The following TRNAU1AP variants were observed in gnomAD, a reference collection of about 807,000 sequenced individuals.
TRNAU1AP encodes the protein tRNA selenocysteine 1 associated protein 1, also known as tRNA selenocysteine 1-associated protein 1.
TRNAU1AP carries 33 observed loss-of-function variants against 43.3 expected under a neutral mutation model. The ratio of observed to expected loss-of-function variants is 0.76; its 90% CI spans 0.58 to 1.02. TRNAU1AP has a LOEUF of 1.02. TRNAU1AP is among the 50% of genes least tolerant of loss of function. The probability of loss-of-function intolerance (pLI) is 0.00; values close to 1 mark genes in which losing one functional copy is unlikely to be tolerated. For missense variants in TRNAU1AP, 290 were observed against 362.7 expected, an observed-to-expected ratio of 0.80 and a Z score of 1.63; for synonymous variants, 143 against 129.1, an observed-to-expected ratio of 1.11 and a Z score of -0.73.
chr1:28,561,334 T>C lies in TRNAU1AP; in HGVS notation c.226-12T>C. On this transcript the variant is annotated splice_polypyrimidine_tract_variant and intron_variant, in intron 3 of 8. Transcript: ENST00000373830. ...TTTCTCTGTTTTAGTTTGTTTGTTT[T>C]TCAACTTCCAGGCGAAACGTTTTAA... 1 of 1,614,152 alleles carries C rather than the reference T, an allele frequency of 6.2e-7. No homozygotes were observed. The highest frequency in any genetic ancestry group is 2.2e-5 in the East Asian group (1 of 44,886).
intron 6 of TRNAU1AP, among the ~76,000 whole-genome samples, 153 bp downstream of exon 6, chr1:28,567,566 T>A (rs566808021): frequency 1.3e-5 from 2 of 152,260 alleles, no homozygotes; most frequent in Admixed American, 1.3e-4. Context: ...TTTGCCAGGC[T>A]GTGGGTGCTG....
intron 2 of TRNAU1AP, among the ~76,000 whole-genome samples, chr1:28,555,811 G>GC (rs777387449): frequency 4.6e-5 from 7 of 150,862 alleles, no homozygotes; most frequent in Admixed American, 6.6e-5. Context: ...CAGATAATCA[G>GC]CTACTGGTAT....
intron 6 of TRNAU1AP, 46 bp downstream of exon 6, chr1:28,567,459 A>T (rs759437430): frequency 6.5e-7 from 1 of 1,548,816 alleles, no homozygotes; most frequent in Non-Finnish European, 8.7e-7. Context: ...TCCCCTCCAG[A>T]CACTCCTCTT....
At position 28,570,474 on chromosome 1, in the gene TRNAU1AP, C is replaced by T. The variant is rs573960451; in HGVS notation, c.531-702C>T. On this transcript the variant is annotated intron_variant, in intron 6 of 8. Transcript: ENST00000373830. ...GTTGTCCAGGCTAGTCTTGGAACTC[C>T]TGACCTCAGGTGACCCACCTGCCTT... is the stretch of plus-strand genomic sequence containing the variant. 1.5e-4 allele frequency among the ~76,000 whole-genome samples: 23 copies of T among 151,976 alleles called. No individual in the cohort carries two copies. In the East Asian group the frequency reaches 4.5e-3, roughly 30 times the overall value.
At chr1:28,569,414 G>A (rs2124208964) in intron 6 of TRNAU1AP, among the ~76,000 whole-genome samples, 1 of 152,108 alleles carries the variant, frequency 6.6e-6, no homozygotes, top group East Asian at 1.9e-4. Flanking sequence ...AAAATAGGCT[G>A]GGCGTGGTGG....
intron 2 of TRNAU1AP, 48 bp downstream of exon 2, chr1:28,553,785 A>G (rs1356251481): frequency 4.0e-6 from 6 of 1,490,470 alleles, no homozygotes; most frequent in South Asian, 2.3e-5. Context: ...TGCAGCTGTC[A>G]TGTACGAGAA....
chr1:28,569,813 C>T (rs9701859), intron 6 of TRNAU1AP, among the ~76,000 whole-genome samples: 8,516 of 144,390 alleles, frequency 0.059, 361 homozygotes, highest in Middle Eastern at 0.12. Flanking sequence ...GGTGAAACCC[C>T]GTCTCTACTA....
intron 4 of TRNAU1AP, among the ~76,000 whole-genome samples, chr1:28,563,393 C>T (rs532977684): frequency 6.6e-6 from 1 of 151,814 alleles, no homozygotes. Flanking sequence ...ACTAAAAATA[C>T]AAAAATTGGC....
intron 2 of TRNAU1AP, among the ~76,000 whole-genome samples, chr1:28,558,823 C>T (rs567987926): frequency 7.0e-4 from 106 of 152,208 alleles, no homozygotes; most frequent in African/African-American, 2.4e-3. Flanking sequence ...CCTCGGCCTC[C>T]CAAAGTGCTG....
At chr1:28,561,897 C>A (rs1170526596) in intron 4 of TRNAU1AP, among the ~76,000 whole-genome samples, 4 of 152,164 alleles carry the variant, frequency 2.6e-5, no homozygotes, top group Non-Finnish European at 5.9e-5. Flanking sequence ...ACGGTGAAAC[C>A]CCGTCTCTAC....
rs544158033 is a variant in TRNAU1AP at position 28,558,450 on chromosome 1, T to C, written c.126-2183T>C. On this transcript the variant is annotated intron_variant, in intron 2 of 8. Coordinates refer to ENST00000373830, the MANE Select transcript of TRNAU1AP (RefSeq NM_017846.5). The stretch of plus-strand genomic sequence containing the variant: ...ACCGTGTCATCCAGGCTGGAGTGCA[T>C]TGATGCGATCTCAGCTCACTGCAAC... Among the ~76,000 whole-genome samples, 3 of 151,358 alleles carry C rather than the reference T, an allele frequency of 2.0e-5. No individual in the cohort carries two copies. In the East Asian group the frequency reaches 5.8e-4, roughly 29 times the overall value.
chr1:28,560,896 A>C lies in TRNAU1AP; in HGVS notation c.225+164A>C. The C allele has an allele frequency of 4.6e-6, 4 of 867,994 alleles. No individual in the cohort carries two copies. The South Asian group carries it at 7.9e-5, about 17-fold the overall frequency. The allele number at this position is 867,994 out of a possible 1,614,324, so 53.8% of individuals were successfully genotyped here. On this transcript the variant is annotated intron_variant, in intron 3 of 8. Transcript: ENST00000373830. ...CAGGAAACTGAAGCTCAGGGAATTG[A>C]AATAACTTGTCCAAGGCAACACAGG...
At chr1:28,555,182 A>G (rs901249146) in intron 2 of TRNAU1AP, among the ~76,000 whole-genome samples, 2 of 151,418 alleles carry the variant, frequency 1.3e-5, no homozygotes, top group Admixed American at 6.6e-5. Context: ...GTGAGCCGAG[A>G]TCGCGCCATT....
intron 6 of TRNAU1AP, among the ~76,000 whole-genome samples, chr1:28,569,417 C>T (rs1008084574): frequency 1.2e-4 from 18 of 151,832 alleles, no homozygotes; most frequent in East Asian, 3.9e-4. Flanking sequence ...ATAGGCTGGG[C>T]GTGGTGGCTC....
intron 2 of TRNAU1AP, among the ~76,000 whole-genome samples, chr1:28,558,159 C>T (rs960752064): frequency 4.8e-5 from 7 of 146,844 alleles, no homozygotes; most frequent in Admixed American, 1.4e-4. Flanking sequence ...GGCCTCCCAA[C>T]GTGTTGGAAT....
rs772376237 is a variant in TRNAU1AP, at chr1:28,564,805, G to A, written c.381G>A (p.Lys127=). ...VKVYPSCRGG[K]VVLDQTGVSK... ...TCTACCCCTCCTGTCGGGGAGGCAA[G>A]GTGGTTTTGGACCAGACAGGCGTGT... Residue 127 remains lysine (K), a synonymous_variant, in exon 5 of 9, where the codon AAG becomes AAA. Coordinates refer to ENST00000373830, the MANE Select transcript of TRNAU1AP (RefSeq NM_017846.5). The A allele has an allele frequency of 3.1e-6, 5 of 1,614,100 alleles. No individual in the cohort carries two copies. The highest frequency in any genetic ancestry group is 1.7e-5 in the Admixed American group (1 of 60,000).
rs1665869356 is a variant in TRNAU1AP at position 28,578,491 on chromosome 1, CG to C, written c.*858del. On this transcript the variant is annotated 3_prime_UTR_variant, in exon 9 of 9. Transcript: ENST00000373830. ...CTTTGGGAGATGGATTGCTTGAGCT[CG>C]GGAAGAGACCAGTTCGGTCTCTACA... 1 of 281,358 alleles carries C rather than the reference CG, an allele frequency of 3.6e-6. No homozygotes were observed. The highest frequency in any genetic ancestry group is 3.3e-5 in the South Asian group (1 of 30,204). 17.4% of individuals were successfully genotyped at this position (281,358 alleles called of 1,614,324 possible).
intron 6 of TRNAU1AP, among the ~76,000 whole-genome samples, chr1:28,570,427 A>C (rs1665639612): frequency 1.3e-5 from 2 of 151,766 alleles, no homozygotes; most frequent in South Asian, 4.2e-4. Context: ...TTGTATTTTT[A>C]GTAGAGATGG....
chr1:28,578,428 C>A lies in TRNAU1AP; in HGVS notation c.*792C>A. ...GCATTCATCCTACATCATAAAAAAT[C>A]TCCAAAGATCTCTTTAAGGGCTGGG... is the stretch of plus-strand genomic sequence containing the variant. On this transcript the variant is annotated 3_prime_UTR_variant, in exon 9 of 9. Coordinates refer to ENST00000373830, the MANE Select transcript of TRNAU1AP (RefSeq NM_017846.5). 4.4e-6 allele frequency: 1 copy of A among 228,540 alleles called. No individual in the cohort carries two copies. The highest frequency in any genetic ancestry group is 8.9e-6 in the Non-Finnish European group (1 of 112,946). 14.2% of individuals were successfully genotyped at this position (228,540 alleles called of 1,614,324 possible).
Sources: allele counts gnomAD v4.1 joint callset (sites outside exome capture counted in the v4.1 genomes callset), GRCh38; gene constraint gnomAD v4.1.1; transcripts MANE v1.5; gene names NCBI Gene and HGNC (gene_info 2026-07-23, HGNC 2026-07-21).